Variants in KCNN2 observed in about 807,000 individuals in gnomAD.
KCNN2 encodes the protein potassium calcium-activated channel subfamily N member 2.
A neutral mutation model predicts 55.5 loss-of-function variants in KCNN2; 24 were observed. That is an observed-to-expected ratio of 0.43 (90% CI 0.31 to 0.61). The LOEUF (loss-of-function observed/expected upper bound fraction) is 0.61. KCNN2 is among the 20% of genes least tolerant of loss of function. KCNN2 has a pLI of 0.08. For missense variants in KCNN2, 754 were observed against 853.6 expected (o/e 0.88, Z 1.45); for synonymous variants, 431 against 336.1 (o/e 1.28, Z -3.09).
intron 1 of KCNN2, among the ~76,000 whole-genome samples, chr5:114,069,731 A>G (rs1243811968): frequency 6.6e-6 from 1 of 152,020 alleles, no homozygotes; most frequent in East Asian, 1.9e-4. Flanking sequence ...GCTGTGGACT[A>G]CTCTCAGCAT....
At chr5:114,364,685 A>G (rs36946) in intron 2 of KCNN2, among the ~76,000 whole-genome samples, 61,858 of 150,082 alleles carry the variant, frequency 0.41, 13,445 homozygotes, top group East Asian at 0.84. Context: ...GACTGTTAGT[A>G]TCCATATCAG....
At chr5:114,347,360 C>T (rs894841339) in intron 2 of KCNN2, among the ~76,000 whole-genome samples, 1 of 152,128 alleles carries the variant, frequency 6.6e-6, no homozygotes, top group East Asian at 1.9e-4. Flanking sequence ...TTAACATCAC[C>T]AGTATTAAGA....
chr5:114,222,563 G>A (rs1327744481), intron 2 of KCNN2, among the ~76,000 whole-genome samples: 1 of 152,160 alleles, frequency 6.6e-6, no homozygotes, highest in Non-Finnish European at 1.5e-5. Context: ...GTGCAAATAA[G>A]TTGATTTGAA....
intron 2 of KCNN2, among the ~76,000 whole-genome samples, chr5:114,292,618 G>C (rs1755918949): frequency 1.3e-5 from 2 of 152,176 alleles, no homozygotes; most frequent in Admixed American, 1.3e-4. Context: ...TTTGAAGTCA[G>C]GTAGCGTGAT....
chr5:114,217,595 A>G (rs1338277765), intron 1 of KCNN2, among the ~76,000 whole-genome samples: 1 of 152,058 alleles, frequency 6.6e-6, no homozygotes, highest in Non-Finnish European at 1.5e-5. Flanking sequence ...GGTTTACCTA[A>G]ATTAACTTAA....
intron 1 of KCNN2, among the ~76,000 whole-genome samples, chr5:114,191,814 G>A (rs1376593755): frequency 6.6e-6 from 1 of 152,142 alleles, no homozygotes; most frequent in Non-Finnish European, 1.5e-5. Flanking sequence ...GTATTTCCCT[G>A]GAAAAGCTAT....
intron 2 of KCNN2, among the ~76,000 whole-genome samples, chr5:114,252,444 GAAACC>G (rs1353632157): frequency 2.0e-5 from 3 of 152,102 alleles, no homozygotes; most frequent in Non-Finnish European, 4.4e-5. Context: ...CCACATTCCA[GAAACC>G]AGGATGCATA....
At chr5:114,243,759 T>A (rs570201737) in intron 2 of KCNN2, among the ~76,000 whole-genome samples, 1 of 152,332 alleles carries the variant, frequency 6.6e-6, no homozygotes, top group African/African-American at 2.4e-5. Flanking sequence ...GTGGTTTTAG[T>A]CATCCACTAG....
At chr5:114,238,626 CAAAAA>C (rs36125313) in intron 2 of KCNN2, among the ~76,000 whole-genome samples, 3 of 111,386 alleles carry the variant, frequency 2.7e-5, no homozygotes, top group African/African-American at 1.0e-4. Context: ...ACTCCGTCTC[CAAAAA>C]AAAAAAAAAG....
chr5:114,486,988 A>T, intron 5 of KCNN2, 62 bp from the exon 6 acceptor site: 1 of 1,592,990 alleles, frequency 6.3e-7, no homozygotes, highest in Non-Finnish European at 8.6e-7. Context: ...TATGACCCCC[A>T]GCAAAGTTAC....
chr5:114,359,416 A>T (rs1397430299), upstream of KCNN2, among the ~76,000 whole-genome samples: 2 of 152,192 alleles, frequency 1.3e-5, no homozygotes, highest in East Asian at 3.9e-4. Flanking sequence ...ATAGCACTGC[A>T]ACTAATCCCA....
At chr5:114,145,844 G>T (rs1752388195) in intron 1 of KCNN2, among the ~76,000 whole-genome samples, 3 of 152,164 alleles carry the variant, frequency 2.0e-5, no homozygotes, top group African/African-American at 4.8e-5. Flanking sequence ...GCCGGACCTG[G>T]ACCGCTGGAG....
At chr5:114,203,494 G>A (rs566674706) in intron 1 of KCNN2, among the ~76,000 whole-genome samples, 8 of 152,172 alleles carry the variant, frequency 5.3e-5, no homozygotes, top group Admixed American at 1.3e-4. Flanking sequence ...AGGCTAATTG[G>A]TACCATATTT....
At chr5:114,260,415 G>T (rs1755079293) in intron 2 of KCNN2, among the ~76,000 whole-genome samples, 1 of 152,076 alleles carries the variant, frequency 6.6e-6, no homozygotes, top group Non-Finnish European at 1.5e-5. Context: ...TTTTCCTCTA[G>T]ACTTTTTCAT....
chr5:114,494,759 A>G, intron 7 of KCNN2, among the ~76,000 whole-genome samples: 1 of 152,058 alleles, frequency 6.6e-6, no homozygotes, highest in South Asian at 2.1e-4. Context: ...AAATGAATGG[A>G]TGCTGTTCAC....
intron 4 of KCNN2, among the ~76,000 whole-genome samples, chr5:114,465,764 C>T (rs1761416861): frequency 6.6e-6 from 1 of 152,202 alleles, no homozygotes; most frequent in African/African-American, 2.4e-5. Context: ...AGCTCCATTC[C>T]CTCTCCTTCA....
At chr5:114,296,660 G>T (rs1370379733) in intron 2 of KCNN2, among the ~76,000 whole-genome samples, 2 of 152,194 alleles carry the variant, frequency 1.3e-5, no homozygotes, top group Non-Finnish European at 2.9e-5. Flanking sequence ...GCAGGAGCAT[G>T]GTGCAGAATG....
chr5:114,459,946 T>TA (rs1171073372), intron 3 of KCNN2, among the ~76,000 whole-genome samples: 2 of 152,178 alleles, frequency 1.3e-5, no homozygotes, highest in Non-Finnish European at 2.9e-5. Context: ...GAGCATTTGT[T>TA]AAAGGTAAGC....
intron 1 of KCNN2, among the ~76,000 whole-genome samples, chr5:114,161,613 A>T (rs898005666): frequency 2.0e-5 from 3 of 152,224 alleles, no homozygotes; most frequent in Non-Finnish European, 4.4e-5. Context: ...ACTTGATTGC[A>T]TTCTCCCCAT....
Sources: gnomAD v4.1 joint callset for allele counts (sites outside exome capture counted in the v4.1 genomes callset) on GRCh38, gnomAD v4.1.1 for gene constraint, MANE v1.5 for transcripts, NCBI Gene and HGNC (gene_info 2026-07-23, HGNC 2026-07-21) for gene names.